MON2: variants seen among roughly 807,000 people sequenced by gnomAD.
MON2 encodes MON2 regulator of endosome-to-Golgi trafficking, also known as protein MON2 homolog.
In MON2, 84 loss-of-function variants were observed where a neutral mutation model predicts 208.6. The ratio of observed to expected loss-of-function variants is 0.40; its 90% CI spans 0.34 to 0.48. The LOEUF is 0.48. MON2 is among the 20% of genes least tolerant of loss of function. MON2 has a pLI of 0.59. For missense variants in MON2, 1,611 were observed against 2,015.4 expected (o/e 0.80, Z 3.84); for synonymous variants, 660 against 694.0 (o/e 0.95, Z 0.77).
intron 1 of MON2, among the ~76,000 whole-genome samples, chr12:62,476,437 CTTT>C (rs113521160): frequency 3.5e-5 from 5 of 141,932 alleles, no homozygotes; most frequent in Non-Finnish European, 3.1e-5. Context: ...TTGAATTTCA[CTTT>C]TTTTTTTTTT....
At chr12:62,470,613 T>A (rs2068748798) in intron 1 of MON2, 1 of 439,850 alleles carries the variant, frequency 2.3e-6, no homozygotes. Flanking sequence ...GTGATTAATA[T>A]TCAGTGGCCT....
At chr12:62,532,375 T>A (rs1406548216) in intron 11 of MON2, 63 bp from the exon 12 acceptor site, 4 of 1,164,472 alleles carry the variant, frequency 3.4e-6, no homozygotes, top group Admixed American at 3.7e-5. Context: ...TTGTAGAAAA[T>A]AGTTTTATGT....
chr12:62,510,732 C>A (rs866004866), intron 8 of MON2, among the ~76,000 whole-genome samples: 1 of 152,082 alleles, frequency 6.6e-6, no homozygotes, highest in Non-Finnish European at 1.5e-5. Flanking sequence ...AGATCAGGAA[C>A]AAGGCAAGAT....
chr12:62,567,558 C>T (rs933682565), intron 29 of MON2, among the ~76,000 whole-genome samples: 1 of 152,170 alleles, frequency 6.6e-6, no homozygotes, highest in Non-Finnish European at 1.5e-5. Context: ...TTCCCTATAG[C>T]ATGGTACTGG....
intron 20 of MON2, among the ~76,000 whole-genome samples, chr12:62,543,463 G>T (rs1410017861): frequency 1.3e-5 from 2 of 152,162 alleles, no homozygotes; most frequent in Non-Finnish European, 2.9e-5. Flanking sequence ...ACCTTGAGAT[G>T]CCTTTCTTTT....
Position 62,537,680 on chromosome 12 carries a change from T to C in MON2, c.2092T>C (p.Trp698Arg). 6.2e-7 allele frequency: 1 copy of C among 1,613,026 alleles called. No individual in the cohort carries two copies. Among genetic ancestry groups the C allele is most frequent in the Non-Finnish European group, 8.5e-7 (1 of 1,179,564 alleles). ...CCATGGGGCTGTTCTTGGAACATCA[T>C]GGCAACTTGTCTTGGCAACTCTTCA... ...HCHGAVLGTS[W>R]QLVLATLQHL... The change falls in exon 16 of 35, where the codon TGG becomes CGG. Residue 698 changes from tryptophan (W) to arginine (R), a missense_variant. By Grantham distance (101) the Trp-to-Arg change is moderately radical. Transcript: ENST00000393630.
intron 12 of MON2, among the ~76,000 whole-genome samples, chr12:62,534,518 CAAAAAAAAAAAAAAA>C (rs869145698): frequency 1.5e-5 from 1 of 67,446 alleles, no homozygotes; most frequent in Admixed American, 2.5e-4. Flanking sequence ...GACTCCATCG[CAAAAAAAAAAAAAAA>C]AAAAAAAAAA....
chr12:62,585,241 T>A, intron 32 of MON2, 53 bp from the exon 33 acceptor site: 1 of 1,396,762 alleles, frequency 7.2e-7, no homozygotes, highest in South Asian at 1.2e-5. Context: ...TTGTTATCAT[T>A]AAAGCTCATT....
chr12:62,563,845 T>C (rs1257870437), intron 26 of MON2, among the ~76,000 whole-genome samples: 2 of 152,098 alleles, frequency 1.3e-5, no homozygotes, highest in Non-Finnish European at 2.9e-5. Context: ...TTTGTTGTTG[T>C]TAGACATTGA....
chr12:62,530,774 T>A (rs570162413), intron 11 of MON2, among the ~76,000 whole-genome samples: 1 of 152,358 alleles, frequency 6.6e-6, no homozygotes, highest in South Asian at 2.1e-4. Flanking sequence ...TGCTGGGTTA[T>A]ATGGTCACTC....
chr12:62,498,287 G>C (rs965541114), intron 4 of MON2, among the ~76,000 whole-genome samples: 13 of 152,102 alleles, frequency 8.5e-5, no homozygotes, highest in Non-Finnish European at 1.6e-4. Context: ...AATGTCCATT[G>C]ATCTGCAGTG....
intron 28 of MON2, 77 bp from the exon 29 acceptor site, chr12:62,566,245 T>C: frequency 6.6e-7 from 1 of 1,517,418 alleles, no homozygotes; most frequent in Non-Finnish European, 9.0e-7. Context: ...AAGACAAAGA[T>C]GCTTTCTCTT....
chr12:62,512,058 G>C (rs936003711), intron 8 of MON2, among the ~76,000 whole-genome samples: 3 of 152,080 alleles, frequency 2.0e-5, no homozygotes, highest in African/African-American at 7.2e-5. Flanking sequence ...GGAAAGACCT[G>C]CCTCCCATGA....
intron 29 of MON2, among the ~76,000 whole-genome samples, chr12:62,567,284 T>C (rs1209240617): frequency 6.6e-6 from 1 of 152,226 alleles, no homozygotes; most frequent in East Asian, 1.9e-4. Context: ...TTCATTTTTC[T>C]TTCAGCCATC....
Position 62,504,245 on chromosome 12 carries a change from C to CTT in MON2, c.789+2563_789+2564dup, listed in dbSNP as rs71450586. On this transcript the variant is annotated intron_variant, in intron 7 of 34. Coordinates refer to ENST00000393630, the MANE Select transcript of MON2 (RefSeq NM_015026.3). ...TTTACAGATTTTTTTCTTTTCTTTT[C>CTT]TTTTTTTTTTTTTTTTTGAGACAGC... Among the ~76,000 whole-genome samples, 162 of 118,584 alleles carry CTT rather than the reference C, an allele frequency of 1.4e-3. 2 individuals are homozygous for CTT. The highest frequency in any genetic ancestry group is 4.4e-3 in the Middle Eastern group (1 of 228). The allele number at this position is 118,584 out of a possible 152,430, so 77.8% of individuals were successfully genotyped here.
At chr12:62,586,235 A>G (rs964420722) in intron 33 of MON2, among the ~76,000 whole-genome samples, 6 of 152,250 alleles carry the variant, frequency 3.9e-5, no homozygotes, top group African/African-American at 1.4e-4. Context: ...GGAAAGACGA[A>G]AATCATTGTT....
In MON2 at chr12:62,468,973, A is replaced by G. The variant is rs562435598; in HGVS notation, c.111+1655A>G. ...TTTTGTTTTGTTTTTTGATTTTGGA[A>G]ATGGGGTCTCTGTGGCCCAGGCTGG... On this transcript the variant is annotated intron_variant, in intron 1 of 34. Coordinates refer to ENST00000393630, the MANE Select transcript of MON2 (RefSeq NM_015026.3). 4.6e-5 allele frequency among the ~76,000 whole-genome samples: 7 copies of G among 152,066 alleles called. No homozygotes were observed. In the South Asian group the frequency reaches 1.5e-3, roughly 32 times the overall value.
intron 12 of MON2, among the ~76,000 whole-genome samples, chr12:62,534,540 A>ATATATATATATATATT (rs1412880320): frequency 8.5e-5 from 2 of 23,578 alleles, no homozygotes; most frequent in African/African-American, 3.5e-4. Context: ...AAAAAAAAAA[A>ATATATATATATATATT]AAATATATAT....
chr12:62,587,144 G>A (rs1345296851), intron 33 of MON2, among the ~76,000 whole-genome samples: 1 of 152,080 alleles, frequency 6.6e-6, no homozygotes, highest in Non-Finnish European at 1.5e-5. Context: ...AGGGAATCAC[G>A]CTACTCTTGT....
Sources: allele counts gnomAD v4.1 joint callset (sites outside exome capture counted in the v4.1 genomes callset), GRCh38; gene constraint gnomAD v4.1.1; transcripts MANE v1.5; gene names NCBI Gene and HGNC (gene_info 2026-07-23, HGNC 2026-07-21).